The following SCHIP1 variants were observed in gnomAD, a reference collection of about 807,000 sequenced individuals.
The protein encoded by SCHIP1 is schwannomin-interacting protein 1.
A neutral mutation model predicts 29.7 loss-of-function variants in SCHIP1; 8 were observed. The observed-to-expected ratio is 0.27, with a 90% CI of 0.16 to 0.49. SCHIP1 has a LOEUF of 0.49. Among genes scored for constraint, SCHIP1 ranks in the 20% least tolerant of loss-of-function variants. The probability of loss-of-function intolerance (pLI) is 0.99; values close to 1 mark genes in which losing one functional copy is unlikely to be tolerated. For synonymous variants in SCHIP1, 76 were observed against 94.9 expected, an observed-to-expected ratio of 0.80 and a Z score of 1.16; for missense variants, 193 against 294.6, an observed-to-expected ratio of 0.66 and a Z score of 2.52.
At chr3:159,664,193 A>G in the SCHIP1 span, among the ~76,000 whole-genome samples, 2 of 152,232 alleles carry the variant, frequency 1.3e-5, no homozygotes, top group African/African-American at 4.8e-5. Context: ...CACTTGGCAC[A>G]GTGCCCTTTC....
the SCHIP1 span, among the ~76,000 whole-genome samples, chr3:159,510,702 T>C: frequency 9.8e-5 from 15 of 152,348 alleles, 1 homozygote; most frequent in African/African-American, 3.4e-4. Flanking sequence ...GACCCTCAGC[T>C]GCAGGTCTGT....
At chr3:159,734,272 A>G in the SCHIP1 span, among the ~76,000 whole-genome samples, 1 of 150,436 alleles carries the variant, frequency 6.6e-6, no homozygotes, top group African/African-American at 2.5e-5. Flanking sequence ...CCTGCTGAGT[A>G]GCTGGGATGA....
the SCHIP1 span, chr3:159,274,196 A>G: frequency 3.0e-6 from 3 of 984,988 alleles, no homozygotes; most frequent in Non-Finnish European, 3.6e-6. Flanking sequence ...TAATATACAC[A>G]TGTAAATAGT....
At chr3:159,620,992 A>T in the SCHIP1 span, among the ~76,000 whole-genome samples, 1 of 152,240 alleles carries the variant, frequency 6.6e-6, no homozygotes, top group Non-Finnish European at 1.5e-5. Context: ...GCATCTAAAA[A>T]TATAACATTT....
the SCHIP1 span, among the ~76,000 whole-genome samples, chr3:159,401,630 A>C: frequency 1.3e-5 from 2 of 152,108 alleles, no homozygotes; most frequent in Non-Finnish European, 2.9e-5. Flanking sequence ...TGACTCCAAG[A>C]CTCATACACT....
At chr3:159,366,606 A>G in the SCHIP1 span, among the ~76,000 whole-genome samples, 1 of 152,102 alleles carries the variant, frequency 6.6e-6, no homozygotes, top group Admixed American at 6.5e-5. Context: ...TGTTACTATC[A>G]CTAATAATTT....
the SCHIP1 span, among the ~76,000 whole-genome samples, chr3:159,689,263 T>C: frequency 4.2e-3 from 645 of 152,318 alleles, 34 homozygotes; most frequent in East Asian, 0.11. Context: ...TTGTGTCCTC[T>C]CTTATTTCCT....
At chr3:159,833,255 T>G in the SCHIP1 span, among the ~76,000 whole-genome samples, 1 of 152,240 alleles carries the variant, frequency 6.6e-6, no homozygotes, top group African/African-American at 2.4e-5. Context: ...CTGAGCTGCA[T>G]TCTTTCTGGA....
At chr3:159,561,172 T>A in the SCHIP1 span, among the ~76,000 whole-genome samples, 9 of 152,224 alleles carry the variant, frequency 5.9e-5, no homozygotes, top group Non-Finnish European at 1.2e-4. Context: ...CTAGGGTCAT[T>A]ATTTTTATGA....
the SCHIP1 span, among the ~76,000 whole-genome samples, chr3:159,813,669 C>T: frequency 6.6e-6 from 1 of 151,462 alleles, no homozygotes; most frequent in Admixed American, 6.6e-5. Context: ...GCCTGGGCAA[C>T]AGAGTGAGAC....
the SCHIP1 span, among the ~76,000 whole-genome samples, chr3:159,675,952 A>G: frequency 6.6e-6 from 1 of 151,770 alleles, no homozygotes; most frequent in South Asian, 2.1e-4. Flanking sequence ...ACCAACATGG[A>G]GAAACTCCGT....
At chr3:159,306,776 T>A in the SCHIP1 span, 1 of 153,900 alleles carries the variant, frequency 6.5e-6, no homozygotes, top group Non-Finnish European at 1.4e-5. Flanking sequence ...CTGATGATTC[T>A]GTATATCTAA....
chr3:159,322,950 A>T, the SCHIP1 span, among the ~76,000 whole-genome samples: 6 of 152,200 alleles, frequency 3.9e-5, no homozygotes, highest in Non-Finnish European at 4.4e-5. Flanking sequence ...CTCCTCAGTG[A>T]CCATCACAGT....
chr3:159,749,938 C>A, the SCHIP1 span, among the ~76,000 whole-genome samples: 13 of 151,856 alleles, frequency 8.6e-5, no homozygotes, highest in Non-Finnish European at 2.9e-5. Flanking sequence ...TAACAATTAG[C>A]AAAATTGATA....
chr3:159,894,073 A>G (rs777553143), intron 6 of SCHIP1: 3 of 152,122 alleles, frequency 2.0e-5, no homozygotes, highest in Non-Finnish European at 2.9e-5. Flanking sequence ...GTAGTTCTCA[A>G]TTTGGGTTGC....
the SCHIP1 span, among the ~76,000 whole-genome samples, chr3:159,570,989 T>A: frequency 6.6e-6 from 1 of 152,186 alleles, no homozygotes; most frequent in African/African-American, 2.4e-5. Flanking sequence ...GCACATTGAT[T>A]TTGTATCCTG....
the SCHIP1 span, among the ~76,000 whole-genome samples, chr3:159,661,330 AGAACT>A: frequency 6.7e-6 from 1 of 150,026 alleles, no homozygotes; most frequent in African/African-American, 2.5e-5. Context: ...CCATATACTA[AGAACT>A]GACATAAATG....
At chr3:159,439,935 G>A in the SCHIP1 span, among the ~76,000 whole-genome samples, 3 of 152,024 alleles carry the variant, frequency 2.0e-5, no homozygotes, top group African/African-American at 7.2e-5. Context: ...TTTTGCTTTT[G>A]TTGCAATTGC....
the SCHIP1 span, among the ~76,000 whole-genome samples, chr3:159,338,030 C>G: frequency 1.3e-5 from 2 of 152,120 alleles, no homozygotes; most frequent in East Asian, 3.9e-4. Context: ...GAGCATGGTT[C>G]CTTCCTTTCT....
Sources: allele counts gnomAD v4.1 joint callset (sites outside exome capture counted in the v4.1 genomes callset), GRCh38; gene constraint gnomAD v4.1.1; transcripts MANE v1.5; gene names NCBI Gene and HGNC (gene_info 2026-07-23, HGNC 2026-07-21).